PSTPIP1: variants seen among roughly 807,000 people sequenced by gnomAD.
PSTPIP1 encodes proline-serine-threonine phosphatase interacting protein 1.
A neutral mutation model predicts 69.6 loss-of-function variants in PSTPIP1; 66 were observed. The ratio of observed to expected loss-of-function variants is 0.95; its 90% CI spans 0.78 to 1.16. The LOEUF (loss-of-function observed/expected upper bound fraction) is 1.16. Ranked by LOEUF, PSTPIP1 falls within the 50% of genes most tolerant of loss-of-function variation. PSTPIP1 has a pLI of 0.00. For missense variants in PSTPIP1, 603 were observed against 557.4 expected, an observed-to-expected ratio of 1.08 and a Z score of -0.82; for synonymous variants, 266 against 222.7, an observed-to-expected ratio of 1.19 and a Z score of -1.73.
At chr15:77,029,314 G>A (rs2076358382) in intron 7 of PSTPIP1, among the ~76,000 whole-genome samples, 1 of 152,232 alleles carries the variant, frequency 6.6e-6, no homozygotes, top group African/African-American at 2.4e-5. Context: ...GCATCCTCCT[G>A]GGCTCGGTTC....
At chr15:77,035,206 A>T (rs2076528321) in intron 12 of PSTPIP1, among the ~76,000 whole-genome samples, 1 of 152,168 alleles carries the variant, frequency 6.6e-6, no homozygotes, top group Non-Finnish European at 1.5e-5. Flanking sequence ...CAATGAAGCT[A>T]CAGCTTCGGG....
intron 12 of PSTPIP1, among the ~76,000 whole-genome samples, chr15:77,033,744 CCAGGGCCTCAGGAGCCCCTG>C (rs1462312693): frequency 2.6e-5 from 4 of 152,150 alleles, no homozygotes; most frequent in Non-Finnish European, 5.9e-5. Flanking sequence ...CCAGCTCATT[CCAGGGCCTCAGGAGCCCCTG>C]GAACTTCCTA....
chr15:77,032,710 C>T (rs971815325), intron 11 of PSTPIP1, 152 bp from the exon 12 acceptor site: 196 of 668,658 alleles, frequency 2.9e-4, no homozygotes, highest in Middle Eastern at 6.8e-4. Flanking sequence ...ATGGTACCTA[C>T]GGTGGGGTCT....
chr15:77,009,443 A>G (rs2075888186), intron 1 of PSTPIP1, among the ~76,000 whole-genome samples: 1 of 152,188 alleles, frequency 6.6e-6, no homozygotes, highest in Non-Finnish European at 1.5e-5. Flanking sequence ...TCAGCCCTAT[A>G]AGGGCTTAGG....
intron 3 of PSTPIP1, among the ~76,000 whole-genome samples, chr15:77,022,027 C>T (rs2076170910): frequency 6.6e-6 from 1 of 152,264 alleles, no homozygotes. Flanking sequence ...TACCAGTGGG[C>T]AGGTACAGCC....
At chr15:77,026,350 G>A (rs760320253) in intron 5 of PSTPIP1, among the ~76,000 whole-genome samples, 4 of 152,164 alleles carry the variant, frequency 2.6e-5, no homozygotes, top group Non-Finnish European at 5.9e-5. Flanking sequence ...TGCACAGGGT[G>A]GCAGGGCAGC....
chr15:77,012,148 TCCA>T (rs2075950734), intron 1 of PSTPIP1, among the ~76,000 whole-genome samples: 3 of 122,486 alleles, frequency 2.4e-5, no homozygotes, highest in South Asian at 2.9e-4. Context: ...CATCCATCCA[TCCA>T]TCCATCCACC....
intron 14 of PSTPIP1, among the ~76,000 whole-genome samples, chr15:77,036,339 T>A (rs11858973): frequency 0.046 from 6,940 of 152,186 alleles, 262 homozygotes; most frequent in African/African-American, 0.1. Flanking sequence ...GGTCATAGCT[T>A]GAGGGCCAGG....
chr15:77,009,307 A>G (rs2075885359), intron 1 of PSTPIP1, among the ~76,000 whole-genome samples: 2 of 152,206 alleles, frequency 1.3e-5, no homozygotes, highest in South Asian at 4.1e-4. Context: ...GGGCACGGGC[A>G]TAGGAGTGGA....
At chr15:77,031,543 G>C (rs1473265138) in intron 10 of PSTPIP1, 4 of 357,760 alleles carry the variant, frequency 1.1e-5, no homozygotes, top group African/African-American at 8.4e-5. Context: ...GAGCCACAGA[G>C]CACCTGCCCC....
Position 77,035,557 on chromosome 15 carries a change from T to G in PSTPIP1, c.979T>G (p.Ser327Ala). 1 of 1,583,006 alleles carries G rather than the reference T, an allele frequency of 6.3e-7. No individual in the cohort carries two copies. Among genetic ancestry groups the G allele is most frequent in the South Asian group, 1.2e-5 (1 of 86,936 alleles). Residue 327 changes from serine (S) to alanine (A), a missense_variant, in exon 13 of 15, where the codon TCT becomes GCT. Ser to Ala is a moderately conservative substitution (Grantham distance 99). Coordinates refer to ENST00000558012, the MANE Select transcript of PSTPIP1 (RefSeq NM_003978.5). Reference sequence around the variant, plus strand: ...TCCCAAGACCACTTCGTTGGCAGCTTCTGCTGGTAAAGGGGGTCAGGAGGG... The same window carrying G: ...TCCCAAGACCACTTCGTTGGCAGCTGCTGCTGGTAAAGGGGGTCAGGAGGG... ...GSPKTTSLAA[S>A]AASTETLTPT...
rs1369464280 is a variant in PSTPIP1, at chr15:77,027,936, C to T, written c.417+22C>T. 6.5e-6 allele frequency: 10 copies of T among 1,540,064 alleles called. No individual in the cohort carries two copies. Among genetic ancestry groups the T allele is most frequent in the African/African-American group, 1.4e-5 (1 of 72,982 alleles). On this transcript the variant is annotated intron_variant, in intron 6 of 14. Coordinates refer to ENST00000558012, the MANE Select transcript of PSTPIP1 (RefSeq NM_003978.5). This position sits in a 1 kb window ranked among gnomAD's most constrained non-coding sequence, Gnocchi z 4.3. ...GGAGGTGAGCGCCAGGGCCTGGGGC[C>T]GCGGCCTTCCCTCGAGGAGCAGCGC...
chr15:76,997,721 C>T (rs1210223468), intron 1 of PSTPIP1, among the ~76,000 whole-genome samples: 1 of 152,178 alleles, frequency 6.6e-6, no homozygotes, highest in African/African-American at 2.4e-5. Context: ...GGTAACCCCT[C>T]TTATCTCCCA....
At chr15:77,030,971 G>A (rs937207939) in intron 9 of PSTPIP1, among the ~76,000 whole-genome samples, 2 of 152,216 alleles carry the variant, frequency 1.3e-5, no homozygotes, top group African/African-American at 2.4e-5. Flanking sequence ...GCTGGGGCAG[G>A]GACCCCCTGG....
Position 77,035,827 on chromosome 15 carries a change from C to T in PSTPIP1, c.1011C>T (p.Thr337=), listed in dbSNP as rs1398433722. The part of the protein sequence containing the change: ...SAASTETLTP[T]PERNEGVYTA... ...CGTCCACAGAGACCCTGACCCCCACCCCCGAGCGGAATGAGGGTGTCTACA... is the reference window on the plus strand; with the variant it reads ...CGTCCACAGAGACCCTGACCCCCACTCCCGAGCGGAATGAGGGTGTCTACA... Residue 337 remains threonine (T), a synonymous_variant, in exon 14 of 15, where the codon ACC becomes ACT. Transcript: ENST00000558012. 3 of 1,609,712 alleles carry T rather than the reference C, an allele frequency of 1.9e-6. No homozygotes were observed. The highest frequency in any genetic ancestry group is 1.7e-5 in the Admixed American group (1 of 59,944).
chr15:77,033,567 C>T (rs1301460683), intron 12 of PSTPIP1, among the ~76,000 whole-genome samples: 1 of 152,186 alleles, frequency 6.6e-6, no homozygotes, highest in African/African-American at 2.4e-5. Context: ...TTGAGGGAGG[C>T]CATGTGCCCT....
At chr15:77,032,983 A>G (rs1489220339) in intron 12 of PSTPIP1, 31 bp downstream of exon 12, 102 of 1,568,976 alleles carry the variant, frequency 6.5e-5, no homozygotes, top group Non-Finnish European at 8.3e-5. Context: ...GGGAGGGCCT[A>G]AGGCTGGGCC....
chr15:77,007,165 G>T (rs780439410), intron 1 of PSTPIP1, among the ~76,000 whole-genome samples: 1 of 152,164 alleles, frequency 6.6e-6, no homozygotes, highest in Non-Finnish European at 1.5e-5. Context: ...TGACATCTCG[G>T]CTTCCTTGAG....
Position 77,028,550 on chromosome 15 carries a change from C to G in PSTPIP1, c.418-4C>G. 1 of 1,597,020 alleles carries G rather than the reference C, an allele frequency of 6.3e-7. No homozygotes were observed. The highest frequency in any genetic ancestry group is 8.5e-7 in the Non-Finnish European group (1 of 1,172,778). On this transcript the variant is annotated splice_region_variant and splice_polypyrimidine_tract_variant and intron_variant, in intron 6 of 14. Coordinates refer to ENST00000558012, the MANE Select transcript of PSTPIP1 (RefSeq NM_003978.5). Reference sequence around the variant, plus strand: ...CCCCAAGTCACGCCCCTCCACACCCCCAGTCCAAGAAGACATACGAGCAGA... The same window carrying G: ...CCCCAAGTCACGCCCCTCCACACCCGCAGTCCAAGAAGACATACGAGCAGA...
Sources: allele counts gnomAD v4.1 joint callset (sites outside exome capture counted in the v4.1 genomes callset), GRCh38; gene constraint gnomAD v4.1.1; non-coding constraint Gnocchi (gnomAD v3.1); transcripts MANE v1.5; gene names NCBI Gene and HGNC (gene_info 2026-07-23, HGNC 2026-07-21).